STRN: variants seen among roughly 807,000 people sequenced by gnomAD.
STRN encodes the protein protein phosphatase 2 regulatory subunit B'''alpha.
STRN carries 53 observed loss-of-function variants against 96.3 expected under a neutral mutation model. The ratio of observed to expected loss-of-function variants is 0.55; its 90% CI spans 0.44 to 0.69. The LOEUF is 0.69. Ranked by LOEUF, STRN falls within the 30% of genes least tolerant of loss-of-function variation. The pLI, the probability that STRN is intolerant of heterozygous loss-of-function variation, is 0.00. For synonymous variants in STRN, 428 were observed against 355.9 expected (o/e 1.20, Z -2.28); for missense variants, 987 against 963.9 (o/e 1.02, Z -0.32).
chr2:36,884,864 T>C (rs1669178529), intron 8 of STRN, among the ~76,000 whole-genome samples: 1 of 152,160 alleles, frequency 6.6e-6, no homozygotes, highest in African/African-American at 2.4e-5. Flanking sequence ...CTCAATGCTT[T>C]ATATATCAAT....
intron 9 of STRN, among the ~76,000 whole-genome samples, chr2:36,883,211 T>C (rs1669120518): frequency 6.6e-6 from 1 of 152,170 alleles, no homozygotes; most frequent in African/African-American, 2.4e-5. Context: ...TCCCAGCACT[T>C]TGGGAGCCCA....
At position 36,841,784 on chromosome 2, in the gene STRN, T is replaced by C. The variant is rs1667958029; in HGVS notation, c.*7672A>G. On this transcript the variant is annotated 3_prime_UTR_variant, in exon 18 of 18. Transcript: ENST00000263918. ...TTTGCCATGGGGCTCTAGGATACTT[T>C]TGATATATTTCCTAAAAATATTTAA... 6.6e-6 allele frequency: 1 copy of C among 152,230 alleles called. No homozygotes were observed. The highest frequency in any genetic ancestry group is 2.4e-5 in the African/African-American group (1 of 41,458). The allele number at this position is 152,230 out of a possible 1,614,324, so 9.4% of individuals were successfully genotyped here.
intron 10 of STRN, among the ~76,000 whole-genome samples, chr2:36,871,537 T>C (rs1668762969): frequency 6.6e-6 from 1 of 152,216 alleles, no homozygotes; most frequent in East Asian, 1.9e-4. Context: ...TTTCTCAGAA[T>C]GTATCCCTAT....
In STRN at chr2:36,893,958, A is replaced by G; in HGVS notation, c.871T>C (p.Leu291=). Residue 291 remains leucine, a synonymous_variant, in exon 7 of 18, where the codon TTG becomes CTG. Transcript: ENST00000263918. ...TTGTCTCCTTCCTCTGATGTAACCAAGAAGTCAAACTCCTTTAGAGCTTCT... is the reference window on the plus strand; with the variant it reads ...TTGTCTCCTTCCTCTGATGTAACCAGGAAGTCAAACTCCTTTAGAGCTTCT... The part of the protein sequence containing the change: ...TKEALKEFDF[L]VTSEEGDNES... The G allele has an allele frequency of 6.2e-7, 1 of 1,613,730 alleles. No homozygotes were observed. Among genetic ancestry groups the G allele is most frequent in the Non-Finnish European group, 8.5e-7 (1 of 1,179,866 alleles).
chr2:36,901,198 T>G (rs1669672810), intron 5 of STRN, among the ~76,000 whole-genome samples: 1 of 151,920 alleles, frequency 6.6e-6, no homozygotes, highest in Non-Finnish European at 1.5e-5. Context: ...CACACAAGAG[T>G]GGTCTTCCCT....
intron 2 of STRN, among the ~76,000 whole-genome samples, chr2:36,922,108 G>GT (rs1233890985): frequency 1.3e-5 from 2 of 152,110 alleles, no homozygotes; most frequent in Non-Finnish European, 2.9e-5. Flanking sequence ...GAAAAAAATG[G>GT]TACCTATAGA....
At chr2:36,925,376 A>G (rs1216864950) in intron 1 of STRN, among the ~76,000 whole-genome samples, 168 bp from the exon 2 acceptor site, 2 of 152,222 alleles carry the variant, frequency 1.3e-5, no homozygotes, top group African/African-American at 2.4e-5. Context: ...GCAAGGGGGA[A>G]AAAGGATTTA....
chr2:36,954,318 C>A (rs1032760582), intron 1 of STRN, among the ~76,000 whole-genome samples: 1 of 151,814 alleles, frequency 6.6e-6, no homozygotes, highest in Admixed American at 6.6e-5. Flanking sequence ...CAAGACCAGC[C>A]TGGCCAATAT....
intron 2 of STRN, among the ~76,000 whole-genome samples, chr2:36,923,668 A>C (rs1464367344): frequency 6.6e-6 from 1 of 152,182 alleles, no homozygotes; most frequent in Non-Finnish European, 1.5e-5. Context: ...TCTATTTCTC[A>C]TTATTCATAA....
rs1392336350 is a variant in STRN at position 36,849,307 on chromosome 2, A to G, written c.*149T>C. ...CTTAGTTTTAGAAAACAGTATATGA[A>G]TTGCAAAACTATACTTCAACAAATG... On this transcript the variant is annotated 3_prime_UTR_variant, in exon 18 of 18. Coordinates refer to ENST00000263918, the MANE Select transcript of STRN (RefSeq NM_003162.4). 2.2e-6 allele frequency: 2 copies of G among 918,448 alleles called. No individual in the cohort carries two copies. Among genetic ancestry groups the G allele is most frequent in the Non-Finnish European group, 3.2e-6 (2 of 625,228 alleles). The allele number at this position is 918,448 out of a possible 1,614,324, so 56.9% of individuals were successfully genotyped here. A position where few individuals can be genotyped will look rare whatever the true frequency, so the allele number is the denominator to read the frequency against.
At chr2:36,890,873 A>C (rs1036663588) in intron 7 of STRN, among the ~76,000 whole-genome samples, 4 of 152,190 alleles carry the variant, frequency 2.6e-5, no homozygotes, top group Non-Finnish European at 5.9e-5. Context: ...GGGCAAGAAG[A>C]AGTCAGCTGG....
intron 2 of STRN, among the ~76,000 whole-genome samples, chr2:36,919,896 T>C (rs1207293646): frequency 6.6e-6 from 1 of 152,230 alleles, no homozygotes; most frequent in Non-Finnish European, 1.5e-5. Flanking sequence ...TGAAAATTTA[T>C]ATTAAATTTT....
chr2:36,887,599 G>C (rs1202460378), intron 7 of STRN, among the ~76,000 whole-genome samples: 1 of 152,020 alleles, frequency 6.6e-6, no homozygotes, highest in Non-Finnish European at 1.5e-5. Context: ...CAAAATAAAC[G>C]CCAATGATCT....
At chr2:36,853,031 C>G (rs1263517038) in intron 15 of STRN, among the ~76,000 whole-genome samples, 2 of 152,166 alleles carry the variant, frequency 1.3e-5, no homozygotes, top group Non-Finnish European at 2.9e-5. Flanking sequence ...GTGGCACACG[C>G]CTGTGGTCCC....
At chr2:36,941,356 A>G (rs550287133) in intron 1 of STRN, among the ~76,000 whole-genome samples, 1 of 152,292 alleles carries the variant, frequency 6.6e-6, no homozygotes, top group African/African-American at 2.4e-5. Flanking sequence ...ATACAACCCA[A>G]GAACACCAGC....
intron 2 of STRN, among the ~76,000 whole-genome samples, chr2:36,922,993 T>C (rs1457723364): frequency 1.3e-5 from 2 of 151,460 alleles, no homozygotes; most frequent in Non-Finnish European, 2.9e-5. Flanking sequence ...AATACAAAAA[T>C]TAGCTGGGCA....
In STRN at chr2:36,843,574, C is replaced by T. The variant is rs1342200548; in HGVS notation, c.*5882G>A. 1.3e-5 allele frequency: 2 copies of T among 152,042 alleles called. No homozygotes were observed. The highest frequency in any genetic ancestry group is 2.9e-5 in the Non-Finnish European group (2 of 67,988). The allele number at this position is 152,042 out of a possible 1,614,324, so 9.4% of individuals were successfully genotyped here. On this transcript the variant is annotated 3_prime_UTR_variant, in exon 18 of 18. Coordinates refer to ENST00000263918, the MANE Select transcript of STRN (RefSeq NM_003162.4). ...ATTTGGCTTTTCAGAGGCCCAAATTCTCTATAAACTTCTCCTTCCTCACAA... is the reference window on the plus strand; with the variant it reads ...ATTTGGCTTTTCAGAGGCCCAAATTTTCTATAAACTTCTCCTTCCTCACAA...
At chr2:36,956,680 C>T (rs1664897663) in intron 1 of STRN, among the ~76,000 whole-genome samples, 1 of 152,180 alleles carries the variant, frequency 6.6e-6, no homozygotes, top group Non-Finnish European at 1.5e-5. Flanking sequence ...TTAAACTCTG[C>T]TTCAGTTATC....
At position 36,966,251 on chromosome 2, in the gene STRN, C is replaced by T; in HGVS notation, c.213G>A (p.Glu71=). Residue 71 remains glutamate, a synonymous_variant, in exon 1 of 18, where the codon GAG becomes GAA. Coordinates refer to ENST00000263918, the MANE Select transcript of STRN (RefSeq NM_003162.4). Reference sequence around the variant, plus strand: ...TTACCTGCAGCTCCGCCCGCTCCACCTCCCACTGGGCTCTCTCCACCTCGA... The same window carrying T: ...TTACCTGCAGCTCCGCCCGCTCCACTTCCCACTGGGCTCTCTCCACCTCGA... ...ARFEVERAQW[E]VERAELQAQI... 1 of 1,580,954 alleles carries T rather than the reference C, an allele frequency of 6.3e-7. No individual in the cohort carries two copies. The highest frequency in any genetic ancestry group is 8.6e-7 in the Non-Finnish European group (1 of 1,165,734).
Sources: allele counts gnomAD v4.1 joint callset (sites outside exome capture counted in the v4.1 genomes callset), GRCh38; gene constraint gnomAD v4.1.1; transcripts MANE v1.5; gene names NCBI Gene and HGNC (gene_info 2026-07-23, HGNC 2026-07-21).